Variants in ZNF469 observed in about 807,000 individuals in gnomAD.
ZNF469 encodes the protein zinc finger protein 469.
A neutral mutation model predicts 1.0 loss-of-function variants in ZNF469; 1 was observed. The observed-to-expected ratio is 1.00, with a 90% CI of 0.35 to 4.73. The LOEUF (loss-of-function observed/expected upper bound fraction) is 4.73. Ranked by LOEUF, ZNF469 falls within the 30% of genes most tolerant of loss-of-function variation. ZNF469 has a pLI of 0.16. For synonymous variants in ZNF469, 2,703 were observed against 2,363.4 expected, an observed-to-expected ratio of 1.14 and a Z score of -4.17; for missense variants, 6,100 against 5,356.3, an observed-to-expected ratio of 1.14 and a Z score of -4.33.
chr16:88,375,009 C>G, the ZNF469 span, among the ~76,000 whole-genome samples: 1 of 152,258 alleles, frequency 6.6e-6, no homozygotes, highest in African/African-American at 2.4e-5. Flanking sequence ...GCAGAAACCG[C>G]CCAGGCACCG....
the ZNF469 span, among the ~76,000 whole-genome samples, chr16:88,109,101 C>A: frequency 6.6e-6 from 1 of 152,218 alleles, no homozygotes; most frequent in South Asian, 2.1e-4. Context: ...TTGTCGACGG[C>A]TCATAGCTGG....
At chr16:88,169,011 A>T in the ZNF469 span, among the ~76,000 whole-genome samples, 1 of 151,998 alleles carries the variant, frequency 6.6e-6, no homozygotes, top group Non-Finnish European at 1.5e-5. The surrounding 1 kb of genome is among the most constrained non-coding windows in gnomAD (Gnocchi z 6.1). Flanking sequence ...ATCTGGAAGG[A>T]TGTGGGGAGG....
the ZNF469 span, among the ~76,000 whole-genome samples, chr16:88,160,641 T>G: frequency 6.6e-6 from 1 of 152,130 alleles, no homozygotes; most frequent in African/African-American, 2.4e-5. Flanking sequence ...GGGGATCAGG[T>G]GGGTCCAGAA....
At chr16:88,106,060 G>A in the ZNF469 span, among the ~76,000 whole-genome samples, 1 of 152,232 alleles carries the variant, frequency 6.6e-6, no homozygotes, top group African/African-American at 2.4e-5. Context: ...CTGAGTAGCA[G>A]AGGATTTAAA....
chr16:88,425,444 A>AGTGCAGGGCAGGAGAT lies in ZNF469; in HGVS notation c.-127+615_-127+630dup, dbSNP rs200807371. ...GGCCATGTGGGACATGGCTAAGCCCAGTGCAGGGCAGGAGATGTGCAGGGC... is the reference window on the plus strand; with the variant it reads ...GGCCATGTGGGACATGGCTAAGCCCAGTGCAGGGCAGGAGATGTGCAGGGCAGGAGATGTGCAGGGC... On this transcript the variant is annotated intron_variant, in intron 2 of 2. Coordinates refer to ENST00000565624, the MANE Select transcript of ZNF469 (RefSeq NM_001367624.2). 4.3e-3 allele frequency among the ~76,000 whole-genome samples: 653 copies of AGTGCAGGGCAGGAGAT among 151,826 alleles called. 8 individuals carry two copies. The highest frequency in any genetic ancestry group is 0.014 in the African/African-American group (586 of 41,258).
the ZNF469 span, among the ~76,000 whole-genome samples, chr16:88,345,756 C>T: frequency 3.3e-5 from 5 of 152,154 alleles, no homozygotes; most frequent in African/African-American, 4.8e-5. Context: ...GGATGGAACT[C>T]CCCCGGACTG....
chr16:88,269,144 C>A, the ZNF469 span, among the ~76,000 whole-genome samples: 2 of 152,236 alleles, frequency 1.3e-5, no homozygotes, highest in Non-Finnish European at 2.9e-5. Context: ...GTGGGGCAGG[C>A]ACGGCAGGCG....
rs377475711 is a variant in ZNF469 at position 88,428,070 on chromosome 16, C to T, written c.600C>T (p.Ser200=). The change falls in exon 3 of 3, where the codon AGC becomes AGT. Residue 200 remains serine (S), a synonymous_variant. Transcript: ENST00000565624. ...SFTSTNYTSP[S]ATPRPPAPGP... ...CCTCCACCAACTATACCTCACCAAG[C>T]GCCACCCCCAGGCCCCCAGCCCCGG... The T allele has an allele frequency of 7.7e-6, 12 of 1,549,858 alleles. No individual in the cohort carries two copies. Among genetic ancestry groups the T allele is most frequent in the South Asian group, 3.6e-5 (3 of 84,060 alleles).
intron 1 of ZNF469, among the ~76,000 whole-genome samples, chr16:88,388,757 CGG>C (rs1904406262): frequency 1.3e-5 from 2 of 150,732 alleles, no homozygotes; most frequent in Admixed American, 6.6e-5. Flanking sequence ...CTGTAGAAGC[CGG>C]AGAGCCTGGT....
the ZNF469 span, among the ~76,000 whole-genome samples, chr16:88,327,941 G>A: frequency 7.9e-5 from 12 of 152,208 alleles, no homozygotes; most frequent in Admixed American, 5.9e-4. Flanking sequence ...TTTCACGGCC[G>A]GGCTCCATCA....
intron 1 of ZNF469, among the ~76,000 whole-genome samples, chr16:88,396,089 T>A (rs1174378115): frequency 6.6e-6 from 1 of 152,220 alleles, no homozygotes. Flanking sequence ...GTAATCCCAC[T>A]CTCAGTGTGA....
chr16:88,352,841 C>A, the ZNF469 span, among the ~76,000 whole-genome samples: 1 of 152,234 alleles, frequency 6.6e-6, no homozygotes, highest in Non-Finnish European at 1.5e-5. Context: ...CCCCGTCCTG[C>A]TGCATGGGCC....
At chr16:88,212,684 A>C in the ZNF469 span, among the ~76,000 whole-genome samples, 1 of 152,106 alleles carries the variant, frequency 6.6e-6, no homozygotes, top group Non-Finnish European at 1.5e-5. Context: ...GGGCTCAAGC[A>C]ATCCTCCCAC....
chr16:88,199,095 C>T, the ZNF469 span, among the ~76,000 whole-genome samples: 65 of 152,284 alleles, frequency 4.3e-4, no homozygotes, highest in Middle Eastern at 0.014. Context: ...CCCATTCCAC[C>T]GTGACCTGGC....
the ZNF469 span, among the ~76,000 whole-genome samples, chr16:88,233,218 C>T: frequency 1.3e-5 from 2 of 152,366 alleles, no homozygotes; most frequent in South Asian, 4.1e-4. Context: ...TCTCCCCTCC[C>T]ACAGTGCCAG....
At chr16:88,399,230 C>G (rs1047724914) in intron 1 of ZNF469, among the ~76,000 whole-genome samples, 2 of 152,234 alleles carry the variant, frequency 1.3e-5, no homozygotes, top group Non-Finnish European at 2.9e-5. Flanking sequence ...CCCCTCCCTC[C>G]CCTCTGCTCC....
At chr16:88,136,669 C>A in the ZNF469 span, among the ~76,000 whole-genome samples, 1 of 152,220 alleles carries the variant, frequency 6.6e-6, no homozygotes, top group Non-Finnish European at 1.5e-5. Flanking sequence ...GAACGATGGA[C>A]GTCTGATGGC....
At chr16:88,256,822 T>C in the ZNF469 span, among the ~76,000 whole-genome samples, 2 of 139,258 alleles carry the variant, frequency 1.4e-5, no homozygotes, top group Non-Finnish European at 1.7e-5. Flanking sequence ...GTGAGGAGCC[T>C]CTTTTCTTTC....
At chr16:88,299,841 G>A in the ZNF469 span, among the ~76,000 whole-genome samples, 1 of 152,182 alleles carries the variant, frequency 6.6e-6, no homozygotes, top group Non-Finnish European at 1.5e-5. Context: ...CTCCATGGGG[G>A]TTCCAGCCAC....
Sources: allele counts gnomAD v4.1 joint callset (sites outside exome capture counted in the v4.1 genomes callset), GRCh38; gene constraint gnomAD v4.1.1; non-coding constraint Gnocchi (gnomAD v3.1); transcripts MANE v1.5; gene names NCBI Gene and HGNC (gene_info 2026-07-23, HGNC 2026-07-21).